The following TSC22D1 variants were observed in gnomAD, a reference collection of about 807,000 sequenced individuals.
TSC22D1 encodes the protein TSC22 domain family protein 1.
A neutral mutation model predicts 74.2 loss-of-function variants in TSC22D1; 9 were observed. The ratio of observed to expected loss-of-function variants is 0.12; its 90% CI spans 0.07 to 0.21. The LOEUF (loss-of-function observed/expected upper bound fraction) is 0.21. Among genes scored for constraint, TSC22D1 ranks in the 10% least tolerant of loss-of-function variants. The probability of loss-of-function intolerance (pLI) is 1.00; values close to 1 mark genes in which losing one functional copy is unlikely to be tolerated. For synonymous variants in TSC22D1, 586 were observed against 492.5 expected (o/e 1.19, Z -2.51); for missense variants, 1,427 against 1,304.7 (o/e 1.09, Z -1.44).
At chr13:44,541,603 A>C (rs1007829458) in intron 1 of TSC22D1, among the ~76,000 whole-genome samples, 1 of 152,296 alleles carries the variant, frequency 6.6e-6, no homozygotes, top group East Asian at 1.9e-4. Flanking sequence ...TTAGTATTTA[A>C]AAGACTGTAT....
Position 44,434,022 on chromosome 13 carries a change from C to A in TSC22D1, c.*604G>T. ...CCTTCATGGTAAGATAGCCTAGGTC[C>A]CAGCTACCTGTCACCATTTTGTCAC... On this transcript the variant is annotated 3_prime_UTR_variant, in exon 3 of 3. Coordinates refer to ENST00000458659, the MANE Select transcript of TSC22D1 (RefSeq NM_183422.4). 1 of 1,533,894 alleles carries A rather than the reference C, an allele frequency of 6.5e-7. No homozygotes were observed. Among genetic ancestry groups the A allele is most frequent in the East Asian group, 2.4e-5 (1 of 40,892 alleles).
chr13:44,555,011 A>G (rs73465765), intron 1 of TSC22D1, among the ~76,000 whole-genome samples: 2,855 of 152,158 alleles, frequency 0.019, 82 homozygotes, highest in African/African-American at 0.065. Context: ...TCCACTTGTT[A>G]GAAGCTTTTG....
chr13:44,435,932 G>T, intron 2 of TSC22D1, 112 bp downstream of exon 2: 2 of 1,119,658 alleles, frequency 1.8e-6, no homozygotes, highest in Non-Finnish European at 2.7e-6. Context: ...ATTTCTACGC[G>T]CATCAAGAGC....
At chr13:44,496,075 G>T (rs562859654) in intron 1 of TSC22D1, among the ~76,000 whole-genome samples, 8 of 152,224 alleles carry the variant, frequency 5.3e-5, no homozygotes, top group Middle Eastern at 3.4e-3. Flanking sequence ...TAAGAGACTT[G>T]TATCTAGAAT....
At chr13:44,540,161 T>A (rs555947273) in intron 1 of TSC22D1, 1 of 282,552 alleles carries the variant, frequency 3.5e-6, no homozygotes, top group Admixed American at 4.2e-5. Flanking sequence ...CACTCTGTGA[T>A]AAACCACTCA....
intron 1 of TSC22D1, among the ~76,000 whole-genome samples, chr13:44,441,982 C>T (rs1875240123): frequency 6.6e-6 from 1 of 151,802 alleles, no homozygotes; most frequent in African/African-American, 2.4e-5. Flanking sequence ...TACCACCCAC[C>T]AGCCTAAATG....
Position 44,574,871 on chromosome 13 carries a change from C to G in TSC22D1, c.1204G>C (p.Val402Leu). ...ACAACTCTGAACCTCGAAGTGTTAA[C>G]TGTTGGTTGTTGCTGCTGACTTGAA... is the stretch of plus-strand genomic sequence containing the variant. ...SVSSQQQQPT[V>L]NTSRFRVVKL... The change falls in exon 1 of 3, where the codon GTT becomes CTT. Residue 402 changes from valine to leucine, a missense_variant. Physicochemically the swap from Val to Leu is conservative, Grantham distance 32. Transcript: ENST00000458659. The G allele has an allele frequency of 6.2e-7, 1 of 1,614,128 alleles. No individual in the cohort carries two copies. Among genetic ancestry groups the G allele is most frequent in the South Asian group, 1.1e-5 (1 of 91,084 alleles).
chr13:44,437,341 C>G, intron 1 of TSC22D1: 1 of 811,170 alleles, frequency 1.2e-6, no homozygotes, highest in Non-Finnish European at 1.5e-6. Context: ...TTACCGGCAG[C>G]GGTACTGGGA....
intron 1 of TSC22D1, among the ~76,000 whole-genome samples, chr13:44,446,778 G>A (rs71430518): frequency 8.9e-4 from 57 of 64,074 alleles, no homozygotes; most frequent in African/African-American, 1.8e-3. Context: ...AGGAAGAAGA[G>A]GAAGAAGAGG....
intron 1 of TSC22D1, among the ~76,000 whole-genome samples, chr13:44,504,277 G>C (rs1420967354): frequency 8.7e-6 from 1 of 114,746 alleles, no homozygotes; most frequent in Non-Finnish European, 1.6e-5. Context: ...TCTAGTTTTA[G>C]AGCATTCTTA....
At chr13:44,508,300 T>C (rs1042357454) in intron 1 of TSC22D1, among the ~76,000 whole-genome samples, 3 of 152,192 alleles carry the variant, frequency 2.0e-5, no homozygotes, top group Non-Finnish European at 2.9e-5. Context: ...TTCACATACA[T>C]AGAAACTATA....
chr13:44,458,568 G>T (rs950360634), intron 1 of TSC22D1, among the ~76,000 whole-genome samples: 60 of 152,140 alleles, frequency 3.9e-4, no homozygotes, highest in African/African-American at 1.3e-3. Flanking sequence ...CAGGACAGAA[G>T]CCTGCACTCC....
chr13:44,480,900 C>T (rs1339486202), intron 1 of TSC22D1, among the ~76,000 whole-genome samples: 1 of 152,166 alleles, frequency 6.6e-6, no homozygotes, highest in African/African-American at 2.4e-5. Flanking sequence ...GGGCTGCTGC[C>T]TACACCCTCT....
At chr13:44,540,039 G>C in intron 1 of TSC22D1, 1 of 729,870 alleles carries the variant, frequency 1.4e-6, no homozygotes, top group Non-Finnish European at 2.0e-6. Context: ...GCTACCTTTG[G>C]GCATACTTTC....
At chr13:44,492,441 A>T (rs1207441159) in intron 1 of TSC22D1, among the ~76,000 whole-genome samples, 1 of 152,220 alleles carries the variant, frequency 6.6e-6, no homozygotes, top group Non-Finnish European at 1.5e-5. Context: ...ATAGTAAGTT[A>T]GAGACCATCT....
At position 44,434,064 on chromosome 13, in the gene TSC22D1, C is replaced by A; in HGVS notation, c.*562G>T. The A allele has an allele frequency of 6.5e-7, 1 of 1,528,780 alleles. No homozygotes were observed. The highest frequency in any genetic ancestry group is 1.2e-5 in the South Asian group (1 of 81,978). 94.7% of individuals were successfully genotyped at this position (1,528,780 alleles called of 1,614,324 possible). A position where few individuals can be genotyped will look rare whatever the true frequency, so the allele number is the denominator to read the frequency against. ...TTTTGTCACTCTCATAGTTTTGTGT[C>A]ATCCATTGTTTGAGAAGAAAGAGGC... On this transcript the variant is annotated 3_prime_UTR_variant, in exon 3 of 3. Coordinates refer to ENST00000458659, the MANE Select transcript of TSC22D1 (RefSeq NM_183422.4).
Position 44,538,411 on chromosome 13 carries a change from T to C in TSC22D1, c.2912+34752A>G, listed in dbSNP as rs138822792. On this transcript the variant is annotated intron_variant, in intron 1 of 2. Coordinates refer to ENST00000458659, the MANE Select transcript of TSC22D1 (RefSeq NM_183422.4). Reference sequence around the variant, plus strand: ...CCCTTTATTTACTAGTTACTTTCAGTGTCAGGCAACAAAAAAAACCATTTC... The same window carrying C: ...CCCTTTATTTACTAGTTACTTTCAGCGTCAGGCAACAAAAAAAACCATTTC... The C allele has an allele frequency of 2.2e-5, 22 of 985,388 alleles. No individual in the cohort carries two copies. The East Asian group carries it at 1.5e-3, about 66-fold the overall frequency. 61.0% of individuals were successfully genotyped at this position (985,388 alleles called of 1,614,324 possible). A position where few individuals can be genotyped will look rare whatever the true frequency, so the allele number is the denominator to read the frequency against.
intron 1 of TSC22D1, among the ~76,000 whole-genome samples, chr13:44,467,790 T>G (rs1357334297): frequency 6.6e-6 from 1 of 152,184 alleles, no homozygotes; most frequent in African/African-American, 2.4e-5. Context: ...ATTTATACAC[T>G]GTTGGTGGGA....
At position 44,552,307 on chromosome 13, in the gene TSC22D1, G is replaced by C. The variant is rs984663769; in HGVS notation, c.2912+20856C>G. Among the ~76,000 whole-genome samples, 4 of 152,112 alleles carry C rather than the reference G, an allele frequency of 2.6e-5. No homozygotes were observed. In the South Asian group the frequency reaches 8.3e-4, roughly 32 times the overall value. ...AATAATAGACAAGAATGTTCAATTGGCTCCTTTACTTCACGAACACCATCA... is the reference window on the plus strand; with the variant it reads ...AATAATAGACAAGAATGTTCAATTGCCTCCTTTACTTCACGAACACCATCA... On this transcript the variant is annotated intron_variant, in intron 1 of 2. Coordinates refer to ENST00000458659, the MANE Select transcript of TSC22D1 (RefSeq NM_183422.4).
Sources: allele counts gnomAD v4.1 joint callset (sites outside exome capture counted in the v4.1 genomes callset), GRCh38; gene constraint gnomAD v4.1.1; transcripts MANE v1.5; gene names NCBI Gene and HGNC (gene_info 2026-07-23, HGNC 2026-07-21).